Variants in WDR72 observed in about 807,000 individuals in gnomAD.
WDR72 encodes the protein WD repeat domain 72, also known as WD repeat-containing protein 72.
Under a neutral mutation model 124.2 loss-of-function variants are expected in WDR72, and 120 were observed. That is an observed-to-expected ratio of 0.97 (90% confidence interval 0.83 to 1.12). WDR72 has a LOEUF of 1.12. Ranked by LOEUF, WDR72 falls within the 50% of genes most tolerant of loss-of-function variation. The pLI is 0.00. For synonymous variants in WDR72, 452 were observed against 441.7 expected, an observed-to-expected ratio of 1.02 and a Z score of -0.29; for missense variants, 1,387 against 1,278.8, an observed-to-expected ratio of 1.08 and a Z score of -1.29.
chr15:53,714,856 A>G (rs1307691857), intron 5 of WDR72, among the ~76,000 whole-genome samples: 1 of 152,200 alleles, frequency 6.6e-6, no homozygotes, highest in East Asian at 1.9e-4. Flanking sequence ...TACTACATCT[A>G]GAAGATACAG....
chr15:53,650,144 T>A (rs1036644628), intron 14 of WDR72, among the ~76,000 whole-genome samples: 4 of 152,170 alleles, frequency 2.6e-5, no homozygotes, highest in Non-Finnish European at 5.9e-5. Flanking sequence ...TGTGATAACA[T>A]GATGAACCTT....
intron 14 of WDR72, among the ~76,000 whole-genome samples, chr15:53,644,783 T>C (rs2014983035): frequency 1.3e-5 from 2 of 152,004 alleles, no homozygotes; most frequent in Non-Finnish European, 2.9e-5. Flanking sequence ...GCAGGGCAAA[T>C]AGAAGACAAA....
chr15:53,546,800 A>T (rs1007077345), intron 18 of WDR72, among the ~76,000 whole-genome samples: 2 of 152,210 alleles, frequency 1.3e-5, no homozygotes, highest in Admixed American at 6.5e-5. Flanking sequence ...CAAAAATGAA[A>T]GGGGAAGGAA....
At chr15:53,693,131 C>T (rs926461881) in intron 13 of WDR72, among the ~76,000 whole-genome samples, 2 of 152,128 alleles carry the variant, frequency 1.3e-5, no homozygotes, top group Non-Finnish European at 2.9e-5. Context: ...ATCTACAAAG[C>T]GGTGACCTTG....
intron 2 of WDR72, among the ~76,000 whole-genome samples, chr15:53,731,463 G>A (rs983349625): frequency 1.3e-5 from 2 of 151,894 alleles, no homozygotes; most frequent in Non-Finnish European, 2.9e-5. Flanking sequence ...GCTGTCATGT[G>A]CACTATATGA....
intron 19 of WDR72, among the ~76,000 whole-genome samples, chr15:53,521,331 T>A (rs1417859512): frequency 6.6e-6 from 1 of 152,056 alleles, no homozygotes; most frequent in African/African-American, 2.4e-5. Context: ...GAGCAATTCT[T>A]GGAGAAATAC....
chr15:53,550,525 C>G (rs1013468501), intron 18 of WDR72, among the ~76,000 whole-genome samples: 3 of 152,190 alleles, frequency 2.0e-5, no homozygotes, highest in East Asian at 3.9e-4. Flanking sequence ...AAACATCTCT[C>G]CATCCTTTTA....
intron 9 of WDR72, 93 bp downstream of exon 9, chr15:53,710,764 T>G (rs1357854777): frequency 1.0e-5 from 11 of 1,082,286 alleles, no homozygotes; most frequent in Non-Finnish European, 2.8e-6. Context: ...TCAATTCAAT[T>G]TTTTCAAGCC....
intron 13 of WDR72, among the ~76,000 whole-genome samples, chr15:53,687,928 A>G: frequency 6.7e-6 from 1 of 150,080 alleles, no homozygotes; most frequent in South Asian, 2.1e-4. Flanking sequence ...CAATAAATGT[A>G]ATCCAGCATA....
chr15:53,528,769 C>A (rs1346922487), intron 18 of WDR72, among the ~76,000 whole-genome samples: 1 of 151,906 alleles, frequency 6.6e-6, no homozygotes, highest in Admixed American at 6.6e-5. Flanking sequence ...GCTAGACCCC[C>A]AGCCAAGTTT....
At chr15:53,709,422 A>C (rs2017472371) in intron 9 of WDR72, among the ~76,000 whole-genome samples, 1 of 152,242 alleles carries the variant, frequency 6.6e-6, no homozygotes, top group Non-Finnish European at 1.5e-5. Flanking sequence ...AAACAAAGCA[A>C]GGTAACTTCC....
chr15:53,713,192 G>A (rs374889597), intron 6 of WDR72, among the ~76,000 whole-genome samples: 20 of 133,748 alleles, frequency 1.5e-4, no homozygotes, highest in Admixed American at 3.7e-4. Context: ...TGTATTTCTT[G>A]AAAAAAAAAA....
chr15:53,668,807 G>T (rs2015868200), intron 13 of WDR72, among the ~76,000 whole-genome samples: 1 of 29,110 alleles, frequency 3.4e-5, no homozygotes, highest in Admixed American at 3.9e-4. Context: ...TTGGGGGGCT[G>T]AGGTGGGAGG....
At chr15:53,699,650 A>T (rs2017104446) in intron 13 of WDR72, 100 bp downstream of exon 13, 2 of 1,306,628 alleles carry the variant, frequency 1.5e-6, no homozygotes, top group Non-Finnish European at 2.2e-6. Context: ...GGTTAAAGCA[A>T]GTGAGGTCAT....
chr15:53,528,201 G>A (rs1034344572), intron 18 of WDR72, among the ~76,000 whole-genome samples: 2 of 152,034 alleles, frequency 1.3e-5, no homozygotes, highest in African/African-American at 2.4e-5. Flanking sequence ...TGTCTTATCA[G>A]GAAAACTTAT....
intron 13 of WDR72, among the ~76,000 whole-genome samples, chr15:53,688,334 C>A (rs1254667774): frequency 6.8e-6 from 1 of 148,010 alleles, no homozygotes; most frequent in Non-Finnish European, 1.5e-5. Flanking sequence ...AGCCCAAAAT[C>A]TCCTTAAGCT....
At chr15:53,660,294 C>T (rs1269912574) in intron 14 of WDR72, among the ~76,000 whole-genome samples, 1 of 151,744 alleles carries the variant, frequency 6.6e-6, no homozygotes, top group African/African-American at 2.4e-5. Flanking sequence ...GTAGTATTGC[C>T]ATGATGAATT....
chr15:53,567,126 G>A (rs1279576802), intron 18 of WDR72, among the ~76,000 whole-genome samples: 3 of 151,938 alleles, frequency 2.0e-5, no homozygotes, highest in Non-Finnish European at 2.9e-5. Flanking sequence ...ACACCACCTC[G>A]TATAAATCTA....
intron 18 of WDR72, among the ~76,000 whole-genome samples, chr15:53,594,903 C>CA (rs2012699340): frequency 6.6e-6 from 1 of 150,866 alleles, no homozygotes; most frequent in Non-Finnish European, 1.5e-5. Flanking sequence ...TTAAAATAAG[C>CA]AATTTCTCAA....
Sources: allele counts gnomAD v4.1 joint callset (sites outside exome capture counted in the v4.1 genomes callset), GRCh38; gene constraint gnomAD v4.1.1; transcripts MANE v1.5; gene names NCBI Gene and HGNC (gene_info 2026-07-23, HGNC 2026-07-21).